RARB: variants seen among roughly 807,000 people sequenced by gnomAD.
The protein encoded by RARB is retinoic acid receptor beta.
Under a neutral mutation model 51.9 loss-of-function variants are expected in RARB, and 17 were observed. That is an observed-to-expected ratio of 0.33 (90% CI 0.22 to 0.49). The LOEUF (loss-of-function observed/expected upper bound fraction) is 0.49. Among genes scored for constraint, RARB ranks in the 20% least tolerant of loss-of-function variants. The pLI is 0.99. For missense variants in RARB, 369 were observed against 550.8 expected, an observed-to-expected ratio of 0.67 and a Z score of 3.30; for synonymous variants, 215 against 195.4, an observed-to-expected ratio of 1.10 and a Z score of -0.84.
chr3:25,106,418 G>T (rs992907871), intron 3 of RARB, among the ~76,000 whole-genome samples: 1 of 150,028 alleles, frequency 6.7e-6, no homozygotes, highest in African/African-American at 2.5e-5. Context: ...TGGGATTACA[G>T]GCATGTACCA....
At chr3:25,371,449 A>G (rs1400828309) in intron 5 of RARB, among the ~76,000 whole-genome samples, 1 of 152,204 alleles carries the variant, frequency 6.6e-6, no homozygotes, top group Non-Finnish European at 1.5e-5. Context: ...AGGGTTCCTT[A>G]AGGACTGGAG....
intron 2 of RARB, among the ~76,000 whole-genome samples, chr3:24,997,046 G>GA (rs1697055457): frequency 6.6e-6 from 1 of 151,070 alleles, no homozygotes; most frequent in Non-Finnish European, 1.5e-5. Flanking sequence ...CGAATATTGA[G>GA]AGTGGGATAT....
chr3:25,082,032 C>T (rs1275343058), intron 3 of RARB, among the ~76,000 whole-genome samples: 1 of 152,162 alleles, frequency 6.6e-6, no homozygotes, highest in African/African-American at 2.4e-5. Flanking sequence ...ATCTCTGCTA[C>T]TACTCTGTCA....
At chr3:25,227,940 T>C (rs938715020) in intron 5 of RARB, among the ~76,000 whole-genome samples, 7 of 152,136 alleles carry the variant, frequency 4.6e-5, no homozygotes. Context: ...TTTGTTTTTC[T>C]TTTAAAAACC....
chr3:25,370,886 T>C (rs542395833), intron 5 of RARB, among the ~76,000 whole-genome samples: 2 of 152,246 alleles, frequency 1.3e-5, no homozygotes, highest in East Asian at 3.9e-4. Flanking sequence ...GGAGAGAAAC[T>C]TTCCTTTCCT....
chr3:25,595,806 C>T (rs949234287), intron 7 of RARB, among the ~76,000 whole-genome samples: 9 of 152,196 alleles, frequency 5.9e-5, no homozygotes, highest in African/African-American at 1.9e-4. Context: ...TGTCAATAGT[C>T]ACTGCACATC....
chr3:25,042,154 A>G (rs185232922), intron 2 of RARB, among the ~76,000 whole-genome samples: 1 of 152,194 alleles, frequency 6.6e-6, no homozygotes, highest in Admixed American at 6.5e-5. Flanking sequence ...CCATTTTTCT[A>G]AAAAAGCTGG....
chr3:24,976,744 T>C (rs926829148), intron 2 of RARB, among the ~76,000 whole-genome samples: 2 of 152,226 alleles, frequency 1.3e-5, no homozygotes, highest in African/African-American at 4.8e-5. Flanking sequence ...TATTTTGCTG[T>C]GCAGAAGCTC....
intron 2 of RARB, among the ~76,000 whole-genome samples, chr3:25,495,640 G>C (rs1262683345): frequency 6.6e-6 from 1 of 152,094 alleles, no homozygotes; most frequent in Admixed American, 6.6e-5. Context: ...CAGTTCTTTG[G>C]TAACAGCAGT....
chr3:25,050,865 T>C (rs1575136705), intron 2 of RARB, among the ~76,000 whole-genome samples: 1 of 152,236 alleles, frequency 6.6e-6, no homozygotes, highest in Admixed American at 6.5e-5. Context: ...ATTTCTGTCA[T>C]ATAAATGAAC....
intron 5 of RARB, among the ~76,000 whole-genome samples, chr3:25,355,934 A>T (rs1033820149): frequency 6.6e-6 from 1 of 152,166 alleles, no homozygotes; most frequent in Admixed American, 6.6e-5. Flanking sequence ...ATTAGAAAAA[A>T]AAGTTAAGCA....
At chr3:25,255,771 C>G (rs936447886) in intron 5 of RARB, among the ~76,000 whole-genome samples, 2 of 152,022 alleles carry the variant, frequency 1.3e-5, no homozygotes, top group Non-Finnish European at 2.9e-5. Context: ...CCTCTTCTCC[C>G]TTAATGTATA....
At chr3:25,332,119 G>C (rs560734966) in intron 5 of RARB, among the ~76,000 whole-genome samples, 41 of 152,178 alleles carry the variant, frequency 2.7e-4, no homozygotes, top group African/African-American at 7.7e-4. Flanking sequence ...GGTACCATTC[G>C]TTCTGAAACT....
At chr3:25,325,650 G>A (rs17016204) in intron 5 of RARB, among the ~76,000 whole-genome samples, 31,653 of 151,318 alleles carry the variant, frequency 0.21, 3,657 homozygotes, top group African/African-American at 0.31. Context: ...GTGCTTACTC[G>A]TGCTTGTCTG....
chr3:25,159,412 AC>A (rs11393745), intron 4 of RARB, among the ~76,000 whole-genome samples: 17,481 of 141,796 alleles, frequency 0.12, 1,300 homozygotes, highest in South Asian at 0.25. Context: ...CAGATGATCC[AC>A]CCCCCCCGCT....
At chr3:24,863,979 C>A (rs569392309) in intron 2 of RARB, among the ~76,000 whole-genome samples, 1 of 152,132 alleles carries the variant, frequency 6.6e-6, no homozygotes, top group Non-Finnish European at 1.5e-5. Context: ...TCCTGCCAAT[C>A]CCAATTCTTC....
intron 3 of RARB, among the ~76,000 whole-genome samples, chr3:25,075,545 C>T (rs920949698): frequency 1.3e-5 from 2 of 152,076 alleles, no homozygotes; most frequent in Non-Finnish European, 2.9e-5. Flanking sequence ...CTTTCTCTAG[C>T]CATTGCTACA....
intron 5 of RARB, among the ~76,000 whole-genome samples, chr3:25,244,142 G>A (rs975095641): frequency 2.0e-5 from 3 of 152,084 alleles, no homozygotes; most frequent in African/African-American, 7.2e-5. Flanking sequence ...TGTTTCTGTG[G>A]GATCAGTGGT....
At chr3:25,198,897 A>G (rs1301906006) in intron 5 of RARB, among the ~76,000 whole-genome samples, 1 of 152,140 alleles carries the variant, frequency 6.6e-6, no homozygotes, top group Non-Finnish European at 1.5e-5. Flanking sequence ...TCAAAAAACT[A>G]AAACTAGAAA....
Sources: allele counts gnomAD v4.1 joint callset (sites outside exome capture counted in the v4.1 genomes callset), GRCh38; gene constraint gnomAD v4.1.1; transcripts MANE v1.5; gene names NCBI Gene and HGNC (gene_info 2026-07-23, HGNC 2026-07-21).